Variants in DGKA observed in about 807,000 individuals in gnomAD.
DGKA encodes 80 kDa diacylglycerol kinase.
Under a neutral mutation model 105.0 loss-of-function variants are expected in DGKA, and 35 were observed. That is an observed-to-expected ratio of 0.33 (90% CI 0.25 to 0.44). The LOEUF is 0.44. Ranked by LOEUF, DGKA falls within the 20% of genes least tolerant of loss-of-function variation. The pLI is 1.00. For synonymous variants in DGKA, 296 were observed against 332.0 expected, an observed-to-expected ratio of 0.89 and a Z score of 1.18; for missense variants, 665 against 915.0, an observed-to-expected ratio of 0.73 and a Z score of 3.53.
chr12:55,941,167 T>C (rs1250380095), intron 13 of DGKA, 85 bp from the exon 14 acceptor site: 1 of 1,436,954 alleles, frequency 7.0e-7, no homozygotes, highest in Non-Finnish European at 9.5e-7. Flanking sequence ...GGTGGAATGC[T>C]AGCCCTCTGC....
At chr12:55,930,357 GTTTTT>G, upstream of DGKA, 1 of 71,418 alleles carries the variant, frequency 1.4e-5, no homozygotes, top group South Asian at 6.7e-4. Context: ...CAAGGGCCTT[GTTTTT>G]TTTTTTTTTT....
At position 55,940,906 on chromosome 12, in the gene DGKA, C is replaced by A. The variant is rs371593118; in HGVS notation, c.1027C>A (p.Pro343Thr). The change falls in exon 13 of 24, where the codon CCG becomes ACG. Residue 343 changes from proline to threonine, a missense_variant. Transcript: ENST00000331886. This position sits in a 1 kb window ranked among gnomAD's most constrained non-coding sequence, Gnocchi z 4.3. ...TTTCTTCCCCTCCCAGGCCTCTGGACCGGATCGTAAAAATAGCAAAACAAG... is the reference window on the plus strand; with the variant it reads ...TTTCTTCCCCTCCCAGGCCTCTGGAACGGATCGTAAAAATAGCAAAACAAG... ...SIYPSVLASGPDRKNSKTSQK... is the reference protein window; with the variant it reads ...SIYPSVLASGTDRKNSKTSQK... 1.9e-6 allele frequency: 3 copies of A among 1,614,000 alleles called. No individual in the cohort carries two copies. The highest frequency in any genetic ancestry group is 2.5e-6 in the Non-Finnish European group (3 of 1,180,008).
Position 55,951,800 on chromosome 12 carries a change from C to A in DGKA, c.1587+17C>A. The stretch of plus-strand genomic sequence containing the variant: ...ATTGGCGTGGTCAGTGGAATGGGGC[C>A]TGGGGAGAAGGGAGAAAGGGGGGGC... On this transcript the variant is annotated intron_variant, in intron 18 of 23. Coordinates refer to ENST00000331886, the MANE Select transcript of DGKA (RefSeq NM_001345.5). The A allele has an allele frequency of 6.2e-7, 1 of 1,609,922 alleles. No homozygotes were observed. The highest frequency in any genetic ancestry group is 1.7e-4 in the Middle Eastern group (1 of 6,044).
chr12:55,931,868 A>G (rs776482313), intron 1 of DGKA: 3 of 152,162 alleles, frequency 2.0e-5, no homozygotes, highest in African/African-American at 4.8e-5. Context: ...CCCCGGACAT[A>G]TTCGAGGGAG....
chr12:55,947,326 T>C (rs1887247187), intron 17 of DGKA, among the ~76,000 whole-genome samples: 1 of 152,146 alleles, frequency 6.6e-6, no homozygotes, highest in South Asian at 2.1e-4. Context: ...CTGACTACAA[T>C]TATAATACAT....
intron 17 of DGKA, among the ~76,000 whole-genome samples, chr12:55,949,746 T>C (rs772222464): frequency 1.5e-4 from 23 of 152,200 alleles, no homozygotes; most frequent in Non-Finnish European, 2.2e-4. Context: ...TTCCTATGCA[T>C]ATTGGCCATT....
At chr12:55,928,178 G>T (rs775672692), upstream of DGKA, 8 of 184,732 alleles carry the variant, frequency 4.3e-5, no homozygotes, top group Admixed American at 3.0e-4. Flanking sequence ...CCTGAGAGGA[G>T]CCCGGCTGCA....
chr12:55,951,824 G>A (rs886333632), intron 18 of DGKA, 41 bp downstream of exon 18: 10 of 1,602,614 alleles, frequency 6.2e-6, no homozygotes, highest in Non-Finnish European at 7.7e-6. Context: ...GAAAGGGGGG[G>A]CCAAGCAGTC....
rs1387499886 is a variant in DGKA at position 55,932,153 on chromosome 12, C to T, written c.-82+809C>T. On this transcript the variant is annotated intron_variant, in intron 1 of 23. Coordinates refer to ENST00000331886, the MANE Select transcript of DGKA (RefSeq NM_001345.5). The surrounding 1 kb of genome is among the most constrained non-coding windows in gnomAD (Gnocchi z 4.3). ...AGACCCCGCGAGCCCCCCAGCGCCC[C>T]ACCCTCCCCCATCGGAAAAGGACAG... The T allele has an allele frequency of 1.4e-5, 3 of 215,758 alleles. No individual in the cohort carries two copies. The highest frequency in any genetic ancestry group is 6.4e-5 in the South Asian group (1 of 15,700). 13.4% of individuals were successfully genotyped at this position (215,758 alleles called of 1,614,324 possible). A position where few individuals can be genotyped will look rare whatever the true frequency, so the allele number is the denominator to read the frequency against.
chr12:55,938,838 A>G, intron 6 of DGKA, 77 bp from the exon 7 acceptor site: 5 of 1,590,810 alleles, frequency 3.1e-6, no homozygotes, highest in Non-Finnish European at 4.3e-6. Context: ...GAACCCAGGA[A>G]CACTGATTTC....
At chr12:55,950,341 C>T (rs1242183984) in intron 17 of DGKA, among the ~76,000 whole-genome samples, 1 of 147,124 alleles carries the variant, frequency 6.8e-6, no homozygotes, top group African/African-American at 2.5e-5. Context: ...GAGTCTTGCT[C>T]TGTCACCCAG....
upstream of DGKA, chr12:55,927,983 G>A (rs373293875): frequency 1.8e-6 from 1 of 563,094 alleles, no homozygotes. Flanking sequence ...TCGTCCAACC[G>A]CTGAGGATCT....
At chr12:55,935,865 G>A in intron 1 of DGKA, 2 of 985,844 alleles carry the variant, frequency 2.0e-6, no homozygotes, top group Non-Finnish European at 2.4e-6. Context: ...TGCGTGGCGT[G>A]GGTGGCTCGG....
chr12:55,936,764 C>A, intron 2 of DGKA, 197 bp downstream of exon 2: 1 of 912,956 alleles, frequency 1.1e-6, no homozygotes, highest in Non-Finnish European at 1.8e-6. Flanking sequence ...CACAGTCTAA[C>A]TGGGCTGCAT....
At chr12:55,946,347 G>T (rs935150033) in intron 17 of DGKA, among the ~76,000 whole-genome samples, 6 of 150,684 alleles carry the variant, frequency 4.0e-5, no homozygotes, top group African/African-American at 1.2e-4. Context: ...ATTTTGTTTT[G>T]TTGTTGTTGT....
intron 17 of DGKA, among the ~76,000 whole-genome samples, chr12:55,950,892 A>AG (rs1241553762): frequency 6.6e-6 from 1 of 152,100 alleles, no homozygotes; most frequent in Admixed American, 6.6e-5. Flanking sequence ...ATATTTATCT[A>AG]TCTTTTTCTT....
At chr12:55,936,914 G>T in intron 2 of DGKA, 103 bp from the exon 3 acceptor site, 2 of 1,065,708 alleles carry the variant, frequency 1.9e-6, no homozygotes, top group South Asian at 2.5e-5. Flanking sequence ...TTTCTTCTTG[G>T]AATTTCTTCA....
chr12:55,937,511 G>C lies in DGKA; in HGVS notation c.242G>C (p.Gly81Ala), dbSNP rs757461125. 1 of 1,614,138 alleles carries C rather than the reference G, an allele frequency of 6.2e-7. No individual in the cohort carries two copies. Among genetic ancestry groups the C allele is most frequent in the African/African-American group, 1.3e-5 (1 of 75,024 alleles). ...GCACTGTTTCAATCCTTTGAGACTG[G>C]TCACTGCTTAAATGAGACAAATGTG... ...SLALFQSFET[G>A]HCLNETNVTK... The change falls in exon 4 of 24, where the codon GGT becomes GCT. Residue 81 changes from glycine to alanine, a missense_variant. Transcript: ENST00000331886.
chr12:55,927,883 C>T (rs1592644513), upstream of DGKA: 1 of 1,329,870 alleles, frequency 7.5e-7, no homozygotes, highest in Non-Finnish European at 1.0e-6. Context: ...CCCAGACCTC[C>T]TAACCCTGAG....
Sources: allele counts gnomAD v4.1 joint callset (sites outside exome capture counted in the v4.1 genomes callset), GRCh38; gene constraint gnomAD v4.1.1; non-coding constraint Gnocchi (gnomAD v3.1); transcripts MANE v1.5; gene names NCBI Gene and HGNC (gene_info 2026-07-23, HGNC 2026-07-21).